SULT1B1: variants seen among roughly 807,000 people sequenced by gnomAD.
The protein encoded by SULT1B1 is sulfotransferase 1B1.
A neutral mutation model predicts 34.6 loss-of-function variants in SULT1B1; 28 were observed. That is an observed-to-expected ratio of 0.81 (90% CI 0.60 to 1.11). SULT1B1 has a LOEUF of 1.11. SULT1B1 is among the 50% of genes least tolerant of loss of function. SULT1B1 has a pLI of 0.00. For synonymous variants in SULT1B1, 147 were observed against 110.2 expected, an observed-to-expected ratio of 1.33 and a Z score of -2.09; for missense variants, 374 against 352.2, an observed-to-expected ratio of 1.06 and a Z score of -0.50.
chr4:69,729,608 G>A (rs1717983169), intron 7 of SULT1B1, among the ~76,000 whole-genome samples: 1 of 151,896 alleles, frequency 6.6e-6, no homozygotes, highest in Non-Finnish European at 1.5e-5. Flanking sequence ...GAAAACACTA[G>A]GACTATTTGC....
chr4:69,732,168 G>A (rs535539510), intron 6 of SULT1B1, among the ~76,000 whole-genome samples: 20 of 152,284 alleles, frequency 1.3e-4, no homozygotes, highest in East Asian at 7.7e-4. Context: ...TGTGGTATGA[G>A]CAAATTAACA....
chr4:69,732,450 T>C (rs1718118630), intron 6 of SULT1B1, among the ~76,000 whole-genome samples: 1 of 152,118 alleles, frequency 6.6e-6, no homozygotes, highest in African/African-American at 2.4e-5. Flanking sequence ...ATTTATTTAT[T>C]GAAACAATCA....
At chr4:69,760,334 T>C (rs893835516) in intron 1 of SULT1B1, 125 bp downstream of exon 1, 36 of 418,442 alleles carry the variant, frequency 8.6e-5, no homozygotes, top group African/African-American at 7.4e-4. Context: ...TATAAGAAAA[T>C]TGGAATTATG....
chr4:69,737,155 T>C (rs143177852), intron 4 of SULT1B1, among the ~76,000 whole-genome samples: 2 of 152,162 alleles, frequency 1.3e-5, no homozygotes, highest in Non-Finnish European at 2.9e-5. Context: ...ATGACAAGTT[T>C]CTCATCTAAA....
intron 1 of SULT1B1, among the ~76,000 whole-genome samples, chr4:69,759,097 G>T (rs1234791510): frequency 6.6e-6 from 1 of 152,136 alleles, no homozygotes; most frequent in Non-Finnish European, 1.5e-5. Flanking sequence ...TGAATTCAGG[G>T]TCTTTTAAAA....
At chr4:69,754,440 C>A (rs527365231) in intron 3 of SULT1B1, among the ~76,000 whole-genome samples, 1 of 152,190 alleles carries the variant, frequency 6.6e-6, no homozygotes, top group Admixed American at 6.5e-5. Context: ...TTTTATCAAT[C>A]AAATTTTTAA....
intron 4 of SULT1B1, among the ~76,000 whole-genome samples, chr4:69,745,470 C>A (rs947277267): frequency 4.6e-5 from 7 of 151,916 alleles, no homozygotes; most frequent in Non-Finnish European, 1.0e-4. Context: ...TATTCTTTGT[C>A]CTTTTGATTG....
intron 4 of SULT1B1, among the ~76,000 whole-genome samples, chr4:69,736,051 G>C (rs142453823): frequency 3.3e-5 from 5 of 152,288 alleles, no homozygotes; most frequent in African/African-American, 9.6e-5. Flanking sequence ...GGGAGAGGGA[G>C]AGCACAGCAA....
rs368115660 is a variant in SULT1B1, at chr4:69,734,761, A to G, written c.376-497T>C. Among the ~76,000 whole-genome samples, 240 of 152,278 alleles carry G rather than the reference A, an allele frequency of 1.6e-3. 2 individuals are homozygous for G. The highest frequency in any genetic ancestry group is 5.7e-3 in the African/African-American group (236 of 41,564). On this transcript the variant is annotated intron_variant, in intron 4 of 7. Coordinates refer to ENST00000310613, the MANE Select transcript of SULT1B1 (RefSeq NM_014465.4). ...AGGTAAAGATATTAAAAGGCATTAA[A>G]ATAAGTTTGGGGGCATCCAGTTCAG...
chr4:69,721,701 C>T lies in SULT1B1; in HGVS notation c.*5387G>A, dbSNP rs564212645. ...TTGAAAGGGAATACATGACACTTCC[C>T]TTTGAATGTATGAATCTGAGTGTCT... On this transcript the variant is annotated 3_prime_UTR_variant, in exon 8 of 8. Coordinates refer to ENST00000310613, the MANE Select transcript of SULT1B1 (RefSeq NM_014465.4). The T allele has an allele frequency of 2.6e-5, 4 of 152,196 alleles. No homozygotes were observed. In the South Asian group the frequency reaches 8.3e-4, roughly 32 times the overall value. 9.4% of individuals were successfully genotyped at this position (152,196 alleles called of 1,614,324 possible).
rs1377049925 is a variant in SULT1B1, at chr4:69,726,146, G to GAAGGAACA, written c.*934_*941dup. On this transcript the variant is annotated 3_prime_UTR_variant, in exon 8 of 8. Transcript: ENST00000310613. ...AGATATAAGCATGTAATAATAAGTA[G>GAAGGAACA]AAGGAACATTGGGTCAAGAGGGCAG... The GAAGGAACA allele has an allele frequency of 2.1e-5, 3 of 140,208 alleles. No homozygotes were observed. The highest frequency in any genetic ancestry group is 4.6e-5 in the Non-Finnish European group (3 of 65,352). 8.7% of individuals were successfully genotyped at this position (140,208 alleles called of 1,614,324 possible).
chr4:69,726,030 GTA>G lies in SULT1B1; in HGVS notation c.*1056_*1057del. 2.4e-5 allele frequency: 1 copy of G among 42,066 alleles called. No individual in the cohort carries two copies. Among genetic ancestry groups the G allele is most frequent in the African/African-American group, 7.7e-5 (1 of 12,968 alleles). The allele number at this position is 42,066 out of a possible 1,614,324, so 2.6% of individuals were successfully genotyped here. A position where few individuals can be genotyped will look rare whatever the true frequency, so the allele number is the denominator to read the frequency against. ...GGAACTTAAAGTATAATAATAAAATGTACATATATATATATATATATATATAT... is the reference window on the plus strand; with the variant it reads ...GGAACTTAAAGTATAATAATAAAATGCATATATATATATATATATATATAT... On this transcript the variant is annotated 3_prime_UTR_variant, in exon 8 of 8. Coordinates refer to ENST00000310613, the MANE Select transcript of SULT1B1 (RefSeq NM_014465.4).
At chr4:69,733,095 C>A (rs961939093) in intron 6 of SULT1B1, among the ~76,000 whole-genome samples, 2 of 151,754 alleles carry the variant, frequency 1.3e-5, no homozygotes, top group African/African-American at 4.9e-5. Flanking sequence ...TTTTTAAAAA[C>A]AATGTTAAAA....
chr4:69,757,722 T>G (rs2110033880), intron 1 of SULT1B1, among the ~76,000 whole-genome samples: 1 of 152,336 alleles, frequency 6.6e-6, no homozygotes, highest in Middle Eastern at 3.4e-3. Context: ...TGTGTCATTT[T>G]GTTTTTCCAG....
chr4:69,728,829 T>A lies in SULT1B1; in HGVS notation c.779-1629A>T, dbSNP rs546402416. ...ATTATATTATCTATTTTGCCAGTGA[T>A]GTAATCAGAGCTTTGGCAGGTTAAT... On this transcript the variant is annotated intron_variant, in intron 7 of 7. Transcript: ENST00000310613. Among the ~76,000 whole-genome samples, 6 of 152,184 alleles carry A rather than the reference T, an allele frequency of 3.9e-5. No homozygotes were observed. In the South Asian group the frequency reaches 1.2e-3, roughly 31 times the overall value.
At chr4:69,745,654 C>CT (rs769039772) in intron 4 of SULT1B1, among the ~76,000 whole-genome samples, 1 of 152,148 alleles carries the variant, frequency 6.6e-6, no homozygotes, top group African/African-American at 2.4e-5. Flanking sequence ...GGTCTTGCTT[C>CT]TTTATCCAAC....
At chr4:69,728,229 C>G (rs1253653041) in intron 7 of SULT1B1, among the ~76,000 whole-genome samples, 2 of 152,050 alleles carry the variant, frequency 1.3e-5, no homozygotes, top group Non-Finnish European at 2.9e-5. Context: ...TTCCAGTGAT[C>G]TGATCTGCAT....
chr4:69,742,079 G>C (rs1718573641), intron 4 of SULT1B1, among the ~76,000 whole-genome samples: 1 of 152,126 alleles, frequency 6.6e-6, no homozygotes, highest in South Asian at 2.1e-4. Flanking sequence ...TTTTTAATAT[G>C]AAGGGATGTG....
rs968614307 is a variant in SULT1B1 at position 69,724,945 on chromosome 4, C to G, written c.*2143G>C. The G allele has an allele frequency of 6.6e-6, 1 of 152,090 alleles. No individual in the cohort carries two copies. Among genetic ancestry groups the G allele is most frequent in the Admixed American group, 6.5e-5 (1 of 15,268 alleles). The allele number at this position is 152,090 out of a possible 1,614,324, so 9.4% of individuals were successfully genotyped here. A position where few individuals can be genotyped will look rare whatever the true frequency, so the allele number is the denominator to read the frequency against. On this transcript the variant is annotated 3_prime_UTR_variant, in exon 8 of 8. Coordinates refer to ENST00000310613, the MANE Select transcript of SULT1B1 (RefSeq NM_014465.4). ...AGAAGAAAACCTAGGCAATATCATT[C>G]AGGACATAGGCATGGGCAAGGACTT... is the stretch of plus-strand genomic sequence containing the variant.
Sources: allele counts gnomAD v4.1 joint callset (sites outside exome capture counted in the v4.1 genomes callset), GRCh38; gene constraint gnomAD v4.1.1; transcripts MANE v1.5; gene names NCBI Gene and HGNC (gene_info 2026-07-23, HGNC 2026-07-21).